ALPK2: variants seen among roughly 807,000 people sequenced by gnomAD.
ALPK2 encodes alpha kinase 2.
Under a neutral mutation model 163.1 loss-of-function variants are expected in ALPK2, and 127 were observed. That is an observed-to-expected ratio of 0.78 (90% CI 0.67 to 0.90). ALPK2 has a LOEUF of 0.90. Among genes scored for constraint, ALPK2 ranks in the 40% least tolerant of loss-of-function variants. The pLI, the probability that ALPK2 is intolerant of heterozygous loss-of-function variation, is 0.00. For missense variants in ALPK2, 2,360 were observed against 2,589.6 expected (o/e 0.91, Z 1.92); for synonymous variants, 953 against 959.1 (o/e 0.99, Z 0.12).
chr18:58,542,133 G>A (rs2051693008), intron 4 of ALPK2, among the ~76,000 whole-genome samples: 1 of 152,334 alleles, frequency 6.6e-6, no homozygotes, highest in African/African-American at 2.4e-5. Flanking sequence ...GTGGTGCGTG[G>A]ACTTGGAGGA....
At chr18:58,574,283 A>G (rs1417026680) in intron 4 of ALPK2, among the ~76,000 whole-genome samples, 1 of 150,282 alleles carries the variant, frequency 6.7e-6, no homozygotes, top group Admixed American at 6.6e-5. Flanking sequence ...TCTCTACTAA[A>G]AAAAAAAAAA....
intron 4 of ALPK2, among the ~76,000 whole-genome samples, chr18:58,575,944 A>C (rs142486534): frequency 6.6e-6 from 1 of 152,334 alleles, no homozygotes; most frequent in East Asian, 1.9e-4. Context: ...TGTTCTTAGA[A>C]CATTAGAGAG....
intron 1 of ALPK2, among the ~76,000 whole-genome samples, chr18:58,625,383 G>T (rs1602245497): frequency 2.0e-5 from 3 of 152,294 alleles, no homozygotes; most frequent in Admixed American, 2.0e-4. Flanking sequence ...AAAGTTTGGT[G>T]GTTGAAAAGA....
chr18:58,498,086 T>C lies in ALPK2; in HGVS notation c.6259A>G (p.Lys2087Glu), dbSNP rs1323134150. 1.9e-6 allele frequency: 3 copies of C among 1,614,146 alleles called. No individual in the cohort carries two copies. Residue 2087 changes from lysine (K) to glutamate (E), a missense_variant, in exon 12 of 13, where the codon AAG becomes GAG. Coordinates refer to ENST00000361673, the MANE Select transcript of ALPK2 (RefSeq NM_052947.4). The stretch of plus-strand genomic sequence containing the variant: ...GTTGCTATGCCAACGTCAGTTAGCT[T>C]CATTCCTACACCTACAGGAAGAGAA... The part of the protein sequence containing the change: ...LVTDMQGVGM[K>E]LTDVGIATLA...
chr18:58,598,584 C>G (rs1301571942), intron 3 of ALPK2, among the ~76,000 whole-genome samples: 2 of 152,166 alleles, frequency 1.3e-5, no homozygotes, highest in African/African-American at 4.8e-5. Context: ...CTTACGCTGC[C>G]AAACTGAACC....
intron 12 of ALPK2, among the ~76,000 whole-genome samples, chr18:58,488,648 A>G (rs1222502020): frequency 6.6e-6 from 1 of 151,862 alleles, no homozygotes; most frequent in Non-Finnish European, 1.5e-5. Flanking sequence ...TTAGATGCCA[A>G]CCAGAAGCTA....
intron 2 of ALPK2, among the ~76,000 whole-genome samples, chr18:58,608,080 G>A (rs1342169016): frequency 6.6e-6 from 1 of 152,172 alleles, no homozygotes; most frequent in Non-Finnish European, 1.5e-5. Flanking sequence ...TAATTAATTA[G>A]TTGAATAAAA....
chr18:58,523,978 G>C lies in ALPK2; in HGVS notation c.5586C>G (p.Asn1862Lys). ...DQGLYYCCIKNSYGKVTAEFN... is the reference protein window; with the variant it reads ...DQGLYYCCIKKSYGKVTAEFN... ...ATTCAGCAGTCACTTTTCCGTAGCT[G>C]TTCTTGATGCAGCAGTAATAGAGTC... Residue 1862 changes from asparagine to lysine, a missense_variant, in exon 7 of 13, where the codon AAC (asparagine) becomes AAG (lysine). By Grantham distance (94) the Asn-to-Lys change is moderately conservative. Transcript: ENST00000361673. 1 of 1,614,176 alleles carries C rather than the reference G, an allele frequency of 6.2e-7. No homozygotes were observed. The highest frequency in any genetic ancestry group is 8.5e-7 in the Non-Finnish European group (1 of 1,180,024).
At chr18:58,508,923 G>A (rs2051475125) in intron 10 of ALPK2, among the ~76,000 whole-genome samples, 1 of 150,434 alleles carries the variant, frequency 6.6e-6, no homozygotes, top group Non-Finnish European at 1.5e-5. Flanking sequence ...TAGGGTACAT[G>A]TGCACAACCT....
At chr18:58,602,632 C>T (rs1046813248) in intron 3 of ALPK2, among the ~76,000 whole-genome samples, 1 of 152,038 alleles carries the variant, frequency 6.6e-6, no homozygotes, top group Non-Finnish European at 1.5e-5. Flanking sequence ...GAATTAGGAC[C>T]CACCCTGTCA....
At chr18:58,522,930 T>A (rs73445144) in intron 8 of ALPK2, among the ~76,000 whole-genome samples, 2,101 of 152,096 alleles carry the variant, frequency 0.014, 50 homozygotes, top group African/African-American at 0.048. Flanking sequence ...GATTTTTTTT[T>A]AATTATACTT....
chr18:58,570,485 C>T (rs1326315885), intron 4 of ALPK2, among the ~76,000 whole-genome samples: 2 of 152,248 alleles, frequency 1.3e-5, no homozygotes, highest in African/African-American at 4.8e-5. Flanking sequence ...TTTCATACCA[C>T]ATCAGCTCAA....
chr18:58,563,831 C>T (rs2051837129), intron 4 of ALPK2, among the ~76,000 whole-genome samples: 1 of 152,086 alleles, frequency 6.6e-6, no homozygotes. Flanking sequence ...GTCCCGATGG[C>T]TCTATTTATA....
Position 58,536,310 on chromosome 18 carries a change from T to A in ALPK2, c.3877A>T (p.Ile1293Leu). The A allele has an allele frequency of 6.2e-7, 1 of 1,614,208 alleles. No homozygotes were observed. The stretch of plus-strand genomic sequence containing the variant: ...TCTGGACTGTGAGCCAATGCTGCTA[T>A]TTCAGAGGGGGCCAATTCAGGCACA... ...AVVPELAPSEIAALAHSPEDA... is the reference protein window; with the variant it reads ...AVVPELAPSELAALAHSPEDA... Residue 1293 changes from isoleucine to leucine, a missense_variant, in exon 5 of 13, where the codon ATA becomes TTA. Ile to Leu is a conservative substitution (Grantham distance 5). Transcript: ENST00000361673.
chr18:58,537,014 T>A lies in ALPK2; in HGVS notation c.3173A>T (p.Asp1058Val). The change falls in exon 5 of 13, where the codon GAT becomes GTT. Residue 1058 changes from aspartate (D) to valine (V), a missense_variant. Asp to Val is a radical substitution (Grantham distance 152, BLOSUM62 -3). Transcript: ENST00000361673. ...GATGGTAGCACCACTTAAAATATGA[T>A]CCAACTGCACTTGGGAAGGAAATTG... The part of the protein sequence containing the change: ...VSQFPSQVQL[D>V]HILSGATIKS... The A allele has an allele frequency of 6.2e-7, 1 of 1,614,126 alleles. No individual in the cohort carries two copies. The highest frequency in any genetic ancestry group is 8.5e-7 in the Non-Finnish European group (1 of 1,180,000).
At chr18:58,508,525 A>G (rs893971067) in intron 10 of ALPK2, among the ~76,000 whole-genome samples, 1 of 152,228 alleles carries the variant, frequency 6.6e-6, no homozygotes, top group Non-Finnish European at 1.5e-5. Flanking sequence ...GAAGCCAACT[A>G]AATCCTACCA....
intron 4 of ALPK2, among the ~76,000 whole-genome samples, chr18:58,559,637 G>GGCCT (rs1281784459): frequency 6.6e-6 from 1 of 152,184 alleles, no homozygotes; most frequent in Non-Finnish European, 1.5e-5. Flanking sequence ...CTCTGACTCA[G>GGCCT]GCCTGACCTT....
At chr18:58,532,140 A>G (rs1315510027) in intron 5 of ALPK2, among the ~76,000 whole-genome samples, 1 of 152,080 alleles carries the variant, frequency 6.6e-6, no homozygotes, top group African/African-American at 2.4e-5. Context: ...GTCACCATGG[A>G]AAATAACATG....
intron 5 of ALPK2, among the ~76,000 whole-genome samples, chr18:58,534,150 CTTT>C (rs10714071): frequency 2.1e-5 from 3 of 145,672 alleles, no homozygotes; most frequent in Admixed American, 1.4e-4. Context: ...AATTTCAGGA[CTTT>C]TTTTTTTTTT....
Sources: allele counts gnomAD v4.1 joint callset (sites outside exome capture counted in the v4.1 genomes callset), GRCh38; gene constraint gnomAD v4.1.1; transcripts MANE v1.5; gene names NCBI Gene and HGNC (gene_info 2026-07-23, HGNC 2026-07-21).